WDPCP: variants seen among roughly 807,000 people sequenced by gnomAD.
WDPCP encodes WD repeat-containing and planar cell polarity effector protein fritz homolog.
A neutral mutation model predicts 93.1 loss-of-function variants in WDPCP; 71 were observed. The observed-to-expected ratio is 0.76, with a 90% CI of 0.63 to 0.93. The LOEUF is 0.93. WDPCP is among the 40% of genes least tolerant of loss of function. The pLI is 0.00. For missense variants in WDPCP, 844 were observed against 887.4 expected (o/e 0.95, Z 0.62); for synonymous variants, 315 against 315.0 (o/e 1.00, Z 0.00).
intron 1 of WDPCP, among the ~76,000 whole-genome samples, chr2:63,562,704 A>T: frequency 6.6e-6 from 1 of 152,310 alleles, no homozygotes; most frequent in East Asian, 1.9e-4. Context: ...TTTCCAATTG[A>T]AACTTATTTA....
At chr2:63,538,304 T>G (rs1159244316) in intron 1 of WDPCP, among the ~76,000 whole-genome samples, 1 of 152,082 alleles carries the variant, frequency 6.6e-6, no homozygotes, top group Non-Finnish European at 1.5e-5. Flanking sequence ...AAATAAGATA[T>G]TAAAATAAAA....
chr2:63,618,402 A>C (rs993999032), intron 3 of WDPCP, among the ~76,000 whole-genome samples: 1 of 152,236 alleles, frequency 6.6e-6, no homozygotes, highest in African/African-American at 2.4e-5. Flanking sequence ...CACAAAGTAC[A>C]TTCGAGTCTC....
At chr2:63,761,047 T>A (rs991852794) in intron 2 of WDPCP, among the ~76,000 whole-genome samples, 2 of 152,168 alleles carry the variant, frequency 1.3e-5, no homozygotes, top group Non-Finnish European at 2.9e-5. Flanking sequence ...GGATGAACCA[T>A]GTTATGGCTT....
At chr2:63,433,316 G>A (rs1696898700) in intron 9 of WDPCP, among the ~76,000 whole-genome samples, 1 of 152,194 alleles carries the variant, frequency 6.6e-6, no homozygotes, top group African/African-American at 2.4e-5. Context: ...TCACAGGCAT[G>A]ATATCATGAG....
At chr2:63,304,600 T>C (rs1299108343) in intron 13 of WDPCP, among the ~76,000 whole-genome samples, 4 of 152,164 alleles carry the variant, frequency 2.6e-5, no homozygotes, top group Non-Finnish European at 5.9e-5. Context: ...TTTTCGCAAC[T>C]TGCAGACCAG....
At chr2:63,234,584 A>C (rs1679218111) in intron 14 of WDPCP, among the ~76,000 whole-genome samples, 2 of 152,344 alleles carry the variant, frequency 1.3e-5, no homozygotes, top group African/African-American at 4.8e-5. Context: ...TAATCAAGAA[A>C]GCTGTGGCTG....
At chr2:63,673,195 G>A (rs1382954649) in intron 2 of WDPCP, among the ~76,000 whole-genome samples, 1 of 152,140 alleles carries the variant, frequency 6.6e-6, no homozygotes, top group African/African-American at 2.4e-5. Context: ...GTGGGTGGGG[G>A]TAAAGTATAG....
chr2:63,186,446 T>A (rs933752136), intron 14 of WDPCP, among the ~76,000 whole-genome samples: 5 of 152,172 alleles, frequency 3.3e-5, no homozygotes, highest in African/African-American at 4.8e-5. Context: ...TCCTGCCCAG[T>A]TTGTTGTGAG....
rs558596917 is a variant in WDPCP at position 63,405,787 on chromosome 2, G to A, written c.826-1130C>T. On this transcript the variant is annotated intron_variant, in intron 9 of 17. Coordinates refer to ENST00000272321, the MANE Select transcript of WDPCP (RefSeq NM_015910.7). ...CTTTATTCATATGTAAATGACAGGA[G>A]TCCAAGAACCAGGAGAGTGGTATTA... 1.5e-3 allele frequency among the ~76,000 whole-genome samples: 230 copies of A among 152,132 alleles called. 2 individuals carry two copies. The highest frequency in any genetic ancestry group is 3.4e-3 in the Middle Eastern group (1 of 294).
intron 2 of WDPCP, among the ~76,000 whole-genome samples, chr2:63,725,143 T>C (rs1049544794): frequency 6.6e-6 from 1 of 152,176 alleles, no homozygotes; most frequent in Non-Finnish European, 1.5e-5. Flanking sequence ...ATTATTTCTT[T>C]ACTCAGGTAA....
intron 1 of WDPCP, among the ~76,000 whole-genome samples, chr2:63,558,946 T>C (rs1314633870): frequency 2.6e-5 from 4 of 152,180 alleles, no homozygotes. Context: ...GCCAGCATCA[T>C]CCTGATACCA....
At chr2:63,197,431 T>C (rs138827539) in intron 14 of WDPCP, among the ~76,000 whole-genome samples, 362 of 152,344 alleles carry the variant, frequency 2.4e-3, no homozygotes, top group Non-Finnish European at 4.0e-3. Context: ...ATGTATTTTC[T>C]ACTTCATGGG....
At chr2:63,680,111 G>A (rs1010114358) in intron 2 of WDPCP, among the ~76,000 whole-genome samples, 1 of 152,200 alleles carries the variant, frequency 6.6e-6, no homozygotes, top group Non-Finnish European at 1.5e-5. Flanking sequence ...GAGACAGGGT[G>A]GAGAAAGATG....
At chr2:63,575,484 T>TGCACTGC (rs1707998541) in intron 1 of WDPCP, among the ~76,000 whole-genome samples, 2 of 98,030 alleles carry the variant, frequency 2.0e-5, no homozygotes, top group African/African-American at 8.6e-5. Flanking sequence ...ATACAGTGTA[T>TGCACTGC]ATATAGTATA....
intron 13 of WDPCP, among the ~76,000 whole-genome samples, chr2:63,290,859 T>A (rs911865964): frequency 6.6e-6 from 1 of 152,184 alleles, no homozygotes; most frequent in Non-Finnish European, 1.5e-5. Context: ...TTTAAAGATT[T>A]ATCTCTCATC....
intron 2 of WDPCP, among the ~76,000 whole-genome samples, chr2:63,794,523 C>T (rs989622210): frequency 1.6e-4 from 24 of 152,224 alleles, no homozygotes; most frequent in Non-Finnish European, 2.6e-4. Context: ...TTTTCCCCTG[C>T]TGGCATGAAC....
chr2:63,819,144 TG>T (rs1670982304), intron 1 of WDPCP, among the ~76,000 whole-genome samples: 1 of 152,210 alleles, frequency 6.6e-6, no homozygotes, highest in South Asian at 2.1e-4. Flanking sequence ...AATTAGGATA[TG>T]GAGGGCAAAG....
chr2:63,311,761 T>C lies in WDPCP; in HGVS notation c.1812+1487A>G, dbSNP rs190447571. Among the ~76,000 whole-genome samples the C allele has an allele frequency of 9.9e-5, 15 of 152,240 alleles. No individual in the cohort carries two copies. The East Asian group carries it at 2.3e-3, about 23-fold the overall frequency. On this transcript the variant is annotated intron_variant, in intron 13 of 17. Coordinates refer to ENST00000272321, the MANE Select transcript of WDPCP (RefSeq NM_015910.7). Reference sequence around the variant, plus strand: ...TGAAAGAGATATGATTTGAGAAAAGTTTAGAAGGTGCCTTTCGTGATGTTT... The same window carrying C: ...TGAAAGAGATATGATTTGAGAAAAGCTTAGAAGGTGCCTTTCGTGATGTTT...
chr2:63,352,802 G>A (rs1440593299), intron 12 of WDPCP, among the ~76,000 whole-genome samples: 1 of 152,160 alleles, frequency 6.6e-6, no homozygotes, highest in Non-Finnish European at 1.5e-5. Context: ...ACTTGAGGGT[G>A]CAAGCTCTGT....
Sources: gnomAD v4.1 joint callset for allele counts (sites outside exome capture counted in the v4.1 genomes callset) on GRCh38, gnomAD v4.1.1 for gene constraint, MANE v1.5 for transcripts, NCBI Gene and HGNC (gene_info 2026-07-23, HGNC 2026-07-21) for gene names.